Variants in CFAP54 observed in about 807,000 individuals in gnomAD.
The protein encoded by CFAP54 is cilia- and flagella-associated protein 54.
Under a neutral mutation model 370.4 loss-of-function variants are expected in CFAP54, and 290 were observed. The observed-to-expected ratio is 0.78, with a 90% CI of 0.71 to 0.86. The LOEUF is 0.86. Among genes scored for constraint, CFAP54 ranks in the 40% least tolerant of loss-of-function variants. The pLI is 0.00. For missense variants in CFAP54, 3,399 were observed against 3,528.7 expected, an observed-to-expected ratio of 0.96 and a Z score of 0.93; for synonymous variants, 1,206 against 1,236.5, an observed-to-expected ratio of 0.98 and a Z score of 0.52.
chr12:96,527,265 T>A lies in CFAP54; in HGVS notation c.1178T>A (p.Val393Asp). ...TTTCAGTTATCATGGCCACGAACTG[T>A]CACAGAGCGGCTACTGGATGAGATG... ...EVQTLSWPRT[V>D]TERLLDEMFD... Residue 393 changes from valine to aspartate, a missense_variant, in exon 9 of 68, where the codon GTC (valine) becomes GAC (aspartate). Physicochemically the swap from Val to Asp is radical, Grantham distance 152 (BLOSUM62 -3). Around this residue, in one of 3 missense-constraint regions of CFAP54, gnomAD observed 559 missense variants for 576.7 expected, o/e 0.97. Transcript: ENST00000524981. 6.5e-7 allele frequency: 1 copy of A among 1,526,932 alleles called. No individual in the cohort carries two copies. The highest frequency in any genetic ancestry group is 8.7e-7 in the Non-Finnish European group (1 of 1,143,330). The allele number at this position is 1,526,932 out of a possible 1,614,324, so 94.6% of individuals were successfully genotyped here.
chr12:96,815,777 T>A (rs559987039), intron 64 of CFAP54, among the ~76,000 whole-genome samples: 37 of 152,366 alleles, frequency 2.4e-4, no homozygotes, highest in South Asian at 1.9e-3. Context: ...GTTTTCTGCA[T>A]ATAGCTAGCC....
At chr12:96,517,363 T>C (rs1016981110) in intron 5 of CFAP54, among the ~76,000 whole-genome samples, 11 of 152,186 alleles carry the variant, frequency 7.2e-5, no homozygotes, top group Admixed American at 7.2e-4. Context: ...TGATTTTCCA[T>C]AGCAAATCAA....
At chr12:96,835,336 T>C (rs1260065910) in intron 66 of CFAP54, among the ~76,000 whole-genome samples, 1 of 152,070 alleles carries the variant, frequency 6.6e-6, no homozygotes, top group Non-Finnish European at 1.5e-5. Flanking sequence ...AACTCAGGGC[T>C]TTTATGGGCC....
At chr12:96,591,066 GA>G (rs1956118839) in intron 23 of CFAP54, among the ~76,000 whole-genome samples, 1 of 152,168 alleles carries the variant, frequency 6.6e-6, no homozygotes, top group Non-Finnish European at 1.5e-5. Context: ...GCAGAATTAG[GA>G]GATGGAACCA....
chr12:96,806,962 A>G (rs113063922), intron 63 of CFAP54, among the ~76,000 whole-genome samples: 1,818 of 152,304 alleles, frequency 0.012, 40 homozygotes, highest in African/African-American at 0.041. Context: ...GAGTCAGAAT[A>G]TGCATTTTAA....
chr12:96,644,298 C>T lies in CFAP54; in HGVS notation c.4437C>T (p.Pro1479=). The T allele has an allele frequency of 2.0e-6, 3 of 1,535,754 alleles. No individual in the cohort carries two copies. In the South Asian group the frequency reaches 3.6e-5, roughly 18 times the overall value. ...ATCGTCTATCACTTGAAGAGATGCC[C>T]TGGAGAGCTCAGATGAACCTGTATC... The part of the protein sequence containing the change: ...RFHRLSLEEM[P]WRAQMNLYLA... The change falls in exon 33 of 68, where the codon CCC becomes CCT. Residue 1479 remains proline, a synonymous_variant. Coordinates refer to ENST00000524981, the MANE Select transcript of CFAP54 (RefSeq NM_001306084.2).
chr12:96,731,096 C>T (rs1957914785), intron 50 of CFAP54, among the ~76,000 whole-genome samples: 1 of 152,160 alleles, frequency 6.6e-6, no homozygotes, highest in African/African-American at 2.4e-5. Flanking sequence ...CACACTGATG[C>T]TGCAGAAGCA....
In CFAP54 at chr12:96,589,440, T is replaced by C. The variant is rs1047293172; in HGVS notation, c.3089T>C (p.Val1030Ala). 6 of 1,531,758 alleles carry C rather than the reference T, an allele frequency of 3.9e-6. No individual in the cohort carries two copies. The African/African-American group carries it at 8.2e-5, about 21-fold the overall frequency. 94.9% of individuals were successfully genotyped at this position (1,531,758 alleles called of 1,614,324 possible). Residue 1030 changes from valine to alanine, a missense_variant, in exon 23 of 68, where the codon GTT (valine) becomes GCT (alanine). By Grantham distance (64) the Val-to-Ala change is moderately conservative. Transcript: ENST00000524981. ...RMFLTQVAYQ[V>A]GNYELAKKVF... ...TTTTTGTTATAGGTTGCCTATCAAG[T>C]TGGTAACTATGAATTGGCTAAGAAA...
At position 96,682,618 on chromosome 12, in the gene CFAP54, A is replaced by T. The variant is rs377007991; in HGVS notation, c.5717-2030A>T. ...CTTGAACTCTTGGGCTCAAGCTATA[A>T]GCCCACCTGAGCCTCCCAAAACGCT... is the stretch of plus-strand genomic sequence containing the variant. On this transcript the variant is annotated intron_variant, in intron 40 of 67. Coordinates refer to ENST00000524981, the MANE Select transcript of CFAP54 (RefSeq NM_001306084.2). Among the ~76,000 whole-genome samples, 141 of 152,214 alleles carry T rather than the reference A, an allele frequency of 9.3e-4. No individual in the cohort carries two copies. In the Middle Eastern group the frequency reaches 0.017, roughly 18 times the overall value.
At chr12:96,534,568 A>G (rs1156380783) in intron 11 of CFAP54, among the ~76,000 whole-genome samples, 1 of 152,212 alleles carries the variant, frequency 6.6e-6, no homozygotes, top group Non-Finnish European at 1.5e-5. Flanking sequence ...AGTGAATCAG[A>G]GGACAAAGTC....
intron 4 of CFAP54, among the ~76,000 whole-genome samples, chr12:96,507,414 C>T (rs12423452): frequency 0.1 from 15,197 of 151,916 alleles, 1,245 homozygotes; most frequent in East Asian, 0.45. Flanking sequence ...GTTAGATTGG[C>T]TCTAAGCATC....
chr12:96,528,587 A>C (rs568386259), intron 9 of CFAP54, among the ~76,000 whole-genome samples: 1 of 152,264 alleles, frequency 6.6e-6, no homozygotes, highest in East Asian at 1.9e-4. Context: ...TTTGTATGGC[A>C]ATATTTTAAA....
At chr12:96,855,303 A>G (rs565469810) in intron 66 of CFAP54, among the ~76,000 whole-genome samples, 39 of 152,140 alleles carry the variant, frequency 2.6e-4, no homozygotes, top group African/African-American at 8.2e-4. Context: ...CCCCTCCCAA[A>G]TCTCATGTCC....
chr12:96,714,402 T>A (rs1225085578), intron 48 of CFAP54, among the ~76,000 whole-genome samples: 1 of 152,180 alleles, frequency 6.6e-6, no homozygotes. Context: ...TTCGCAATCA[T>A]TAGTCTATAG....
chr12:96,822,411 T>C (rs2136742885), intron 65 of CFAP54, among the ~76,000 whole-genome samples: 1 of 152,312 alleles, frequency 6.6e-6, no homozygotes, highest in East Asian at 1.9e-4. Context: ...ATAGGGAGTA[T>C]ATCCCAACTA....
At chr12:96,790,435 G>C (rs1470986074) in intron 62 of CFAP54, among the ~76,000 whole-genome samples, 1 of 151,930 alleles carries the variant, frequency 6.6e-6, no homozygotes, top group Non-Finnish European at 1.5e-5. Flanking sequence ...GTATTTGAAA[G>C]GTAATGGAAT....
At chr12:96,822,817 A>G (rs753264024) in intron 65 of CFAP54, among the ~76,000 whole-genome samples, 1 of 152,194 alleles carries the variant, frequency 6.6e-6, no homozygotes, top group African/African-American at 2.4e-5. Flanking sequence ...GCTCTCTGGC[A>G]TCCATAGCAG....
Position 96,651,692 on chromosome 12 carries a change from T to G in CFAP54, c.4977T>G (p.Asp1659Glu). ...ELQILLKQAV[D>E]LDKTFPISQD... ...AAATACTTCTTAAACAGGCAGTGGA[T>G]CTTGATAAAACATTTCCTATTAGCC... Residue 1659 changes from aspartate to glutamate, a missense_variant, in exon 36 of 68, where the codon GAT (aspartate) becomes GAG (glutamate). Transcript: ENST00000524981. 1 of 1,614,024 alleles carries G rather than the reference T, an allele frequency of 6.2e-7. No homozygotes were observed. Among genetic ancestry groups the G allele is most frequent in the Non-Finnish European group, 8.5e-7 (1 of 1,179,894 alleles).
intron 30 of CFAP54, among the ~76,000 whole-genome samples, chr12:96,629,490 T>G (rs1956582698): frequency 6.6e-6 from 1 of 151,340 alleles, no homozygotes; most frequent in Non-Finnish European, 1.5e-5. Context: ...TTTTTTTGTA[T>G]TTTTAGTAGA....
Sources: allele counts gnomAD v4.1 joint callset (sites outside exome capture counted in the v4.1 genomes callset), GRCh38; gene constraint gnomAD v4.1.1; regional missense constraint gnomAD v4.1.1; transcripts MANE v1.5; gene names NCBI Gene and HGNC (gene_info 2026-07-23, HGNC 2026-07-21).